The following PDE2A variants were observed in gnomAD, a reference collection of about 807,000 sequenced individuals.
The protein encoded by PDE2A is cGMP-dependent 3',5'-cyclic phosphodiesterase.
A neutral mutation model predicts 133.6 loss-of-function variants in PDE2A; 53 were observed. That is an observed-to-expected ratio of 0.40 (90% CI 0.32 to 0.50). The LOEUF (loss-of-function observed/expected upper bound fraction) is 0.50. PDE2A is among the 20% of genes least tolerant of loss of function. The pLI, the probability that PDE2A is intolerant of heterozygous loss-of-function variation, is 0.73. For missense variants in PDE2A, 796 were observed against 1,232.4 expected (o/e 0.65, Z 5.30); for synonymous variants, 491 against 490.2 (o/e 1.00, Z -0.02).
intron 1 of PDE2A, among the ~76,000 whole-genome samples, chr11:72,673,398 T>TATACACAC (rs113756385): frequency 2.6e-4 from 38 of 148,356 alleles, no homozygotes; most frequent in Admixed American, 2.4e-3. Context: ...TCCACATGTA[T>TATACACAC]ACACACACAC....
At chr11:72,603,036 G>C (rs1349604223) in intron 4 of PDE2A, among the ~76,000 whole-genome samples, 1 of 152,206 alleles carries the variant, frequency 6.6e-6, no homozygotes, top group African/African-American at 2.4e-5. Context: ...TCCTTTTTCA[G>C]GTAGCAGCTG....
chr11:72,620,980 A>G (rs1857744664), intron 2 of PDE2A, among the ~76,000 whole-genome samples: 1 of 152,062 alleles, frequency 6.6e-6, no homozygotes, highest in Admixed American at 6.5e-5. Context: ...GCAGGTGTTG[A>G]GGTTGCTGCT....
chr11:72,633,364 C>T (rs1024164081), intron 2 of PDE2A, among the ~76,000 whole-genome samples: 2 of 152,234 alleles, frequency 1.3e-5, no homozygotes, highest in Non-Finnish European at 1.5e-5. Flanking sequence ...CCTGAAGACA[C>T]TGAAGGAGTG....
At chr11:72,623,135 A>G (rs557439825) in intron 2 of PDE2A, among the ~76,000 whole-genome samples, 1 of 151,910 alleles carries the variant, frequency 6.6e-6, no homozygotes, top group East Asian at 1.9e-4. Context: ...CTCCCTCACC[A>G]TCCTACACAG....
In PDE2A at chr11:72,590,763, C is replaced by G. The variant is rs1260473977; in HGVS notation, c.550-183G>C. On this transcript the variant is annotated intron_variant, in intron 7 of 30. Transcript: ENST00000334456. The surrounding 1 kb of genome is among the most constrained non-coding windows in gnomAD (Gnocchi z 4.8). ...AGGGCTCCCCCGGGGGCTCCCACAG[C>G]CCCTGGAGCGTCCGGCGGTCCAGGA... 1.3e-5 allele frequency among the ~76,000 whole-genome samples: 2 copies of G among 152,212 alleles called. No individual in the cohort carries two copies. The highest frequency in any genetic ancestry group is 2.4e-5 in the African/African-American group (1 of 41,452).
At chr11:72,586,995 C>G (rs536673054) in intron 13 of PDE2A, among the ~76,000 whole-genome samples, 1 of 152,318 alleles carries the variant, frequency 6.6e-6, no homozygotes, top group Non-Finnish European at 1.5e-5. Context: ...CCCCACCCAC[C>G]TGTCACCCCT....
At chr11:72,591,940 G>C (rs1856271309) in intron 6 of PDE2A, among the ~76,000 whole-genome samples, 1 of 152,214 alleles carries the variant, frequency 6.6e-6, no homozygotes, top group Non-Finnish European at 1.5e-5. Context: ...GAAAAGTGGA[G>C]TGACTTGCCC....
chr11:72,577,633 A>G (rs750600032), intron 30 of PDE2A, 39 bp from the exon 31 acceptor site: 8 of 1,439,238 alleles, frequency 5.6e-6, no homozygotes, highest in South Asian at 1.1e-5. Context: ...GAGGCCAGAA[A>G]TCAGACCATG....
intron 2 of PDE2A, among the ~76,000 whole-genome samples, chr11:72,614,176 CCTGCCACCTGGCCAAGGAGA>C (rs1857351341): frequency 1.3e-5 from 2 of 152,362 alleles, no homozygotes; most frequent in South Asian, 4.1e-4. Context: ...CACACCCACG[CCTGCCACCTGGCCAAGGAGA>C]CGCCTCTCAA....
rs776965233 is a variant in PDE2A, at chr11:72,585,368, C to A, written c.1286+3G>T. 1.2e-6 allele frequency: 2 copies of A among 1,613,206 alleles called. No homozygotes were observed. The highest frequency in any genetic ancestry group is 4.5e-5 in the East Asian group (2 of 44,874). On this transcript the variant is annotated splice_donor_region_variant and intron_variant, in intron 16 of 30. Coordinates refer to ENST00000334456, the MANE Select transcript of PDE2A (RefSeq NM_002599.5). ...GCCCTGTCCCCTGGGTAGAGTCACT[C>A]ACATCTCTGCGTTGCTGAGGTTTCT... is the stretch of plus-strand genomic sequence containing the variant.
At chr11:72,579,087 C>A in intron 27 of PDE2A, 78 bp from the exon 28 acceptor site, 15 of 1,162,172 alleles carry the variant, frequency 1.3e-5, no homozygotes, top group Non-Finnish European at 1.8e-5. Flanking sequence ...CAGGGCCCAA[C>A]CCAGAGCGGT....
intron 2 of PDE2A, among the ~76,000 whole-genome samples, chr11:72,626,852 G>A (rs993443195): frequency 6.6e-6 from 1 of 152,184 alleles, no homozygotes; most frequent in Non-Finnish European, 1.5e-5. Context: ...TTTTGGAGCC[G>A]GGTTCTGAGC....
chr11:72,671,970 CT>C (rs1462720777), intron 1 of PDE2A, among the ~76,000 whole-genome samples: 1 of 148,838 alleles, frequency 6.7e-6, no homozygotes, highest in East Asian at 1.9e-4. Context: ...CACTACACCC[CT>C]GACCCCAGTC....
At chr11:72,584,149 C>G (rs1246924651) in intron 19 of PDE2A, 52 bp downstream of exon 19, 3 of 876,366 alleles carry the variant, frequency 3.4e-6, no homozygotes, top group Non-Finnish European at 5.5e-6. Flanking sequence ...GAGGGTCCTT[C>G]GTGGGCCCCG....
rs568173514 is a variant in PDE2A, at chr11:72,598,495, G to C, written c.324-876C>G. ...TACCCCCCAGCCTCTGGCTCATCCCGCTTAATTAAGCACCTGAGTTTGCAC... is the reference window on the plus strand; with the variant it reads ...TACCCCCCAGCCTCTGGCTCATCCCCCTTAATTAAGCACCTGAGTTTGCAC... On this transcript the variant is annotated intron_variant, in intron 4 of 30. Transcript: ENST00000334456. The C allele has an allele frequency of 3.1e-6, 4 of 1,288,258 alleles. No individual in the cohort carries two copies. The African/African-American group carries it at 6.1e-5, about 20-fold the overall frequency. The allele number at this position is 1,288,258 out of a possible 1,614,324, so 79.8% of individuals were successfully genotyped here.
chr11:72,614,363 G>T (rs1271701039), intron 2 of PDE2A, among the ~76,000 whole-genome samples: 1 of 152,222 alleles, frequency 6.6e-6, no homozygotes, highest in Admixed American at 6.5e-5. Flanking sequence ...GAAGGAGGAG[G>T]CAAGACAGAG....
At chr11:72,616,108 G>A (rs185771994) in intron 2 of PDE2A, among the ~76,000 whole-genome samples, 1 of 152,212 alleles carries the variant, frequency 6.6e-6, no homozygotes, top group African/African-American at 2.4e-5. Flanking sequence ...AGCAGGAGAG[G>A]AGGAGGACGC....
rs142433657 is a variant in PDE2A, at chr11:72,625,920, G to A, written c.144+16334C>T. 9.1e-3 allele frequency among the ~76,000 whole-genome samples: 1,390 copies of A among 152,318 alleles called. 19 individuals are homozygous for A. The highest frequency in any genetic ancestry group is 0.032 in the African/African-American group (1,329 of 41,556). ...CCGGGAAACGGAACTTGTTCTCTCA[G>A]TGTTTACAGCCAAAGGCCAGGCAGG... On this transcript the variant is annotated intron_variant, in intron 2 of 30. Coordinates refer to ENST00000334456, the MANE Select transcript of PDE2A (RefSeq NM_002599.5).
intron 1 of PDE2A, among the ~76,000 whole-genome samples, chr11:72,664,519 GC>G (rs367913477): frequency 6.9e-6 from 1 of 145,332 alleles, no homozygotes; most frequent in South Asian, 2.2e-4. Flanking sequence ...GACTACAGGC[GC>G]CCCCCACCAC....
Sources: allele counts gnomAD v4.1 joint callset (sites outside exome capture counted in the v4.1 genomes callset), GRCh38; gene constraint gnomAD v4.1.1; non-coding constraint Gnocchi (gnomAD v3.1); transcripts MANE v1.5; gene names NCBI Gene and HGNC (gene_info 2026-07-23, HGNC 2026-07-21).